Variants in LTBP1 observed in about 807,000 individuals in gnomAD.
LTBP1 encodes the protein latent-transforming growth factor beta-binding protein 1.
A neutral mutation model predicts 207.6 loss-of-function variants in LTBP1; 129 were observed. The observed-to-expected ratio is 0.62, with a 90% CI of 0.54 to 0.72. The LOEUF is 0.72. Among genes scored for constraint, LTBP1 ranks in the 30% least tolerant of loss-of-function variants. The pLI, the probability that LTBP1 is intolerant of heterozygous loss-of-function variation, is 0.00. For missense variants in LTBP1, 2,281 were observed against 2,217.2 expected (o/e 1.03, Z -0.58); for synonymous variants, 963 against 833.7 (o/e 1.16, Z -2.67).
intron 3 of LTBP1, among the ~76,000 whole-genome samples, chr2:33,098,315 A>G (rs1251904797): frequency 1.3e-5 from 2 of 152,112 alleles, no homozygotes; most frequent in African/African-American, 4.8e-5. Flanking sequence ...TGAATCACCA[A>G]TTTGTCTTGT....
At chr2:33,354,705 CA>C (rs2094832907) in intron 26 of LTBP1, among the ~76,000 whole-genome samples, 9 of 123,220 alleles carry the variant, frequency 7.3e-5, no homozygotes, top group Non-Finnish European at 5.9e-5. Context: ...CACACACACA[CA>C]CACACACACA....
At chr2:33,392,216 C>A (rs1468329664) in intron 32 of LTBP1, among the ~76,000 whole-genome samples, 4 of 150,048 alleles carry the variant, frequency 2.7e-5, no homozygotes. Context: ...ACAGAGTCTT[C>A]CTCTCTTGCA....
At chr2:33,275,267 T>G (rs1322806651) in intron 17 of LTBP1, among the ~76,000 whole-genome samples, 177 bp downstream of exon 17, 1 of 152,180 alleles carries the variant, frequency 6.6e-6, no homozygotes, top group Non-Finnish European at 1.5e-5. Context: ...CCCCTAACAT[T>G]TTTGAAGAAA....
chr2:33,287,433 A>G (rs921058945), intron 19 of LTBP1, among the ~76,000 whole-genome samples: 1 of 152,214 alleles, frequency 6.6e-6, no homozygotes, highest in African/African-American at 2.4e-5. Context: ...CAATATAATG[A>G]AGACAATAAG....
chr2:33,085,565 T>G (rs1461029479), intron 3 of LTBP1, among the ~76,000 whole-genome samples: 1 of 152,202 alleles, frequency 6.6e-6, no homozygotes, highest in Non-Finnish European at 1.5e-5. Flanking sequence ...TGAGTGCTTT[T>G]TGTGTGTCAA....
intron 10 of LTBP1, among the ~76,000 whole-genome samples, chr2:33,244,760 T>G (rs952657165): frequency 3.9e-5 from 6 of 152,208 alleles, no homozygotes; most frequent in African/African-American, 9.6e-5. Context: ...CTGCAGATTT[T>G]TAAAGATTAT....
chr2:33,133,521 T>C (rs1250430893), intron 4 of LTBP1, among the ~76,000 whole-genome samples: 2 of 152,198 alleles, frequency 1.3e-5, no homozygotes, highest in Non-Finnish European at 2.9e-5. Flanking sequence ...CTATCGCAGA[T>C]GTAGCAATCA....
chr2:33,367,753 G>A (rs1339174403), intron 31 of LTBP1, among the ~76,000 whole-genome samples: 2 of 152,102 alleles, frequency 1.3e-5, no homozygotes, highest in Non-Finnish European at 2.9e-5. Flanking sequence ...TCCTACAGGT[G>A]CATATGTGGA....
chr2:33,263,825 C>T (rs1456137116), intron 15 of LTBP1, among the ~76,000 whole-genome samples: 1 of 151,832 alleles, frequency 6.6e-6, no homozygotes, highest in Non-Finnish European at 1.5e-5. Context: ...TGGTGGTGCG[C>T]ACCTGTAGTC....
intron 3 of LTBP1, among the ~76,000 whole-genome samples, chr2:33,040,309 G>C (rs141502216): frequency 1.3e-5 from 2 of 152,186 alleles, no homozygotes; most frequent in Non-Finnish European, 2.9e-5. Flanking sequence ...TCCTGAGAGC[G>C]CTGTCTGCCA....
intron 5 of LTBP1, among the ~76,000 whole-genome samples, chr2:33,185,675 G>A (rs1424231062): frequency 6.6e-6 from 1 of 152,178 alleles, no homozygotes; most frequent in East Asian, 1.9e-4. Flanking sequence ...GAAACCAAGG[G>A]AAGACTGAAA....
chr2:33,168,947 G>T (rs912434932), intron 5 of LTBP1, among the ~76,000 whole-genome samples: 1 of 152,196 alleles, frequency 6.6e-6, no homozygotes, highest in African/African-American at 2.4e-5. Context: ...CCCTTTAAAA[G>T]AAATAAAAGA....
chr2:33,039,355 T>G (rs2076075471), intron 3 of LTBP1, among the ~76,000 whole-genome samples: 1 of 152,072 alleles, frequency 6.6e-6, no homozygotes, highest in Non-Finnish European at 1.5e-5. Flanking sequence ...ACCCCACCTG[T>G]ATATATTTTT....
chr2:32,963,568 C>A (rs1679481335), intron 2 of LTBP1, among the ~76,000 whole-genome samples: 1 of 152,102 alleles, frequency 6.6e-6, no homozygotes, highest in African/African-American at 2.4e-5. Flanking sequence ...GGCAAAGAAA[C>A]CAGTTTTCAT....
intron 32 of LTBP1, among the ~76,000 whole-genome samples, chr2:33,394,336 T>G (rs2095341432): frequency 6.6e-6 from 1 of 152,214 alleles, no homozygotes; most frequent in Admixed American, 6.5e-5. Context: ...TTTGTTGCCA[T>G]TGCTCTTGGT....
chr2:33,133,280 A>G (rs1251382922), intron 4 of LTBP1, among the ~76,000 whole-genome samples: 1 of 152,170 alleles, frequency 6.6e-6, no homozygotes, highest in Non-Finnish European at 1.5e-5. Flanking sequence ...ATATTAGCCA[A>G]ACCAAAGCAG....
chr2:33,336,703 C>T (rs2094557472), intron 24 of LTBP1, among the ~76,000 whole-genome samples: 1 of 152,028 alleles, frequency 6.6e-6, no homozygotes, highest in South Asian at 2.1e-4. Context: ...GAGCTGCTTC[C>T]CCTAATAGAT....
At chr2:33,170,825 C>G (rs1041012415) in intron 5 of LTBP1, among the ~76,000 whole-genome samples, 1 of 151,958 alleles carries the variant, frequency 6.6e-6, no homozygotes, top group African/African-American at 2.4e-5. Flanking sequence ...TCCAGAGGAA[C>G]GATCAGACAG....
intron 2 of LTBP1, among the ~76,000 whole-genome samples, chr2:32,984,659 C>T (rs1357093067): frequency 6.6e-6 from 1 of 152,128 alleles, no homozygotes; most frequent in Non-Finnish European, 1.5e-5. Context: ...CGGTGGCTCA[C>T]GCCTGTAATC....
Sources: allele counts gnomAD v4.1 joint callset (sites outside exome capture counted in the v4.1 genomes callset), GRCh38; gene constraint gnomAD v4.1.1; transcripts MANE v1.5; gene names NCBI Gene and HGNC (gene_info 2026-07-23, HGNC 2026-07-21).